BMP2K: variants seen among roughly 807,000 people sequenced by gnomAD.
BMP2K encodes the protein BMP-2-inducible protein kinase.
A neutral mutation model predicts 116.0 loss-of-function variants in BMP2K; 74 were observed. The ratio of observed to expected loss-of-function variants is 0.64; its 90% CI spans 0.53 to 0.77. BMP2K has a LOEUF of 0.77. BMP2K is among the 30% of genes least tolerant of loss of function. BMP2K has a pLI of 0.00. For synonymous variants in BMP2K, 486 were observed against 502.5 expected, an observed-to-expected ratio of 0.97 and a Z score of 0.44; for missense variants, 1,365 against 1,403.6, an observed-to-expected ratio of 0.97 and a Z score of 0.44.
intron 1 of BMP2K, among the ~76,000 whole-genome samples, chr4:78,802,165 G>T (rs924758901): frequency 2.0e-5 from 3 of 152,206 alleles, no homozygotes; most frequent in East Asian, 1.9e-4. Context: ...TCGTTTTGCT[G>T]TTGAGAAGTT....
At chr4:78,833,396 C>T (rs961993312) in intron 2 of BMP2K, among the ~76,000 whole-genome samples, 186 bp from the exon 3 acceptor site, 11 of 152,034 alleles carry the variant, frequency 7.2e-5, no homozygotes, top group African/African-American at 2.7e-4. Context: ...AAATTACAGT[C>T]GCATGCAGGT....
chr4:78,849,484 C>T (rs563632370), intron 6 of BMP2K, among the ~76,000 whole-genome samples: 61 of 151,560 alleles, frequency 4.0e-4, no homozygotes, highest in African/African-American at 1.3e-3. Context: ...AAGACAAATT[C>T]CTAAAGTTTG....
chr4:78,829,787 T>TTTCTTTTCTTTTCTCTTTTCTCTTCTC lies in BMP2K; in HGVS notation c.297+3636_297+3637insTTTCTTTTCTCTTTTCTCTTCTCTTCT, dbSNP rs71216237. ...TTTCTTTTCTTTTCTTTTCTTTTCT[T>TTTCTTTTCTTTTCTCTTTTCTCTTCTC]TTCTCTTCTCTTCTCTTCTCTTCTC... On this transcript the variant is annotated intron_variant, in intron 2 of 15. Coordinates refer to ENST00000502613, the MANE Select transcript of BMP2K (RefSeq NM_198892.2). 9.5e-4 allele frequency among the ~76,000 whole-genome samples: 82 copies of TTTCTTTTCTTTTCTCTTTTCTCTTCTC among 86,634 alleles called. 1 individual carries two copies. The highest frequency in any genetic ancestry group is 2.9e-3 in the African/African-American group (68 of 23,820). 56.8% of individuals were successfully genotyped at this position (86,634 alleles called of 152,430 possible).
chr4:78,780,488 G>A (rs553489037), intron 1 of BMP2K, among the ~76,000 whole-genome samples: 1 of 152,142 alleles, frequency 6.6e-6, no homozygotes, highest in South Asian at 2.1e-4. Context: ...TTTCAGGAAG[G>A]TTGTACTATA....
chr4:78,855,637 A>G (rs535022984), intron 7 of BMP2K, among the ~76,000 whole-genome samples: 1 of 152,260 alleles, frequency 6.6e-6, no homozygotes, highest in South Asian at 2.1e-4. Context: ...GTGCTTTTCT[A>G]TGCAATATTG....
At chr4:78,879,793 T>G (rs1732811827) in intron 14 of BMP2K, 1 of 152,238 alleles carries the variant, frequency 6.6e-6, no homozygotes. Flanking sequence ...GTTTAATAGA[T>G]GAAATGCTTT....
chr4:78,908,802 T>C lies in BMP2K; in HGVS notation c.2063-1808T>C, dbSNP rs181428363. Among the ~76,000 whole-genome samples, 9 of 152,316 alleles carry C rather than the reference T, an allele frequency of 5.9e-5. No homozygotes were observed. The East Asian group carries it at 1.7e-3, about 29-fold the overall frequency. ...GGTACATAGTAGGTATATACATTTA[T>C]GGGGTACATGAGATATGTTGATACA... is the stretch of plus-strand genomic sequence containing the variant. On this transcript the variant is annotated intron_variant, in intron 15 of 15. Transcript: ENST00000502613.
intron 15 of BMP2K, among the ~76,000 whole-genome samples, chr4:78,889,114 G>A (rs1480702110): frequency 6.6e-6 from 1 of 151,658 alleles, no homozygotes; most frequent in Non-Finnish European, 1.5e-5. Context: ...CCAGCTACTC[G>A]GGAGGCTAAG....
intron 13 of BMP2K, 119 bp from the exon 14 acceptor site, chr4:78,878,615 C>A: frequency 1.2e-6 from 1 of 840,444 alleles, no homozygotes; most frequent in Non-Finnish European, 1.8e-6. Context: ...TCATCTCTGT[C>A]ATAAGGAAAT....
At chr4:78,874,757 T>C (rs529044567) in intron 13 of BMP2K, among the ~76,000 whole-genome samples, 1 of 152,314 alleles carries the variant, frequency 6.6e-6, no homozygotes, top group Non-Finnish European at 1.5e-5. Context: ...TATCCAAGGA[T>C]TTGAGGCATA....
In BMP2K at chr4:78,880,260, T is replaced by C. The variant is rs555703237; in HGVS notation, c.1951+1369T>C. On this transcript the variant is annotated intron_variant, in intron 14 of 15. Transcript: ENST00000502613. The stretch of plus-strand genomic sequence containing the variant: ...GCGAATTTTGTATTTTTAGTAGAGA[T>C]GGGATTTCTCCATGTTGGTCAGGCT... 1.4e-3 allele frequency among the ~76,000 whole-genome samples: 220 copies of C among 152,218 alleles called. 2 individuals are homozygous for C. The highest frequency in any genetic ancestry group is 0.01 in the Middle Eastern group (3 of 294).
intron 13 of BMP2K, among the ~76,000 whole-genome samples, chr4:78,876,666 A>G (rs1560541582): frequency 1.3e-5 from 2 of 152,220 alleles, no homozygotes; most frequent in South Asian, 4.1e-4. Flanking sequence ...TTGAGATACT[A>G]CTTTGAACAT....
rs74286896 is a variant in BMP2K at position 78,909,372 on chromosome 4, T to A, written c.2063-1238T>A. Among the ~76,000 whole-genome samples the A allele has an allele frequency of 1.8e-3, 266 of 151,752 alleles. 3 individuals are homozygous for A. The highest frequency in any genetic ancestry group is 6.2e-3 in the African/African-American group (255 of 41,362). On this transcript the variant is annotated intron_variant, in intron 15 of 15. Transcript: ENST00000502613. ...TTTCTATAGAGCAGTCATTTTTTTT[T>A]ATGTAAACCTAATCATGACACCTAT...
At chr4:78,887,415 C>G in intron 15 of BMP2K, 131 bp downstream of exon 15, 1 of 686,854 alleles carries the variant, frequency 1.5e-6, no homozygotes, top group Non-Finnish European at 2.5e-6. Flanking sequence ...TAACCTTTAG[C>G]CATCCTACTC....
intron 7 of BMP2K, among the ~76,000 whole-genome samples, chr4:78,858,761 A>T (rs1731624186): frequency 6.9e-6 from 1 of 144,348 alleles, no homozygotes; most frequent in Admixed American, 6.9e-5. Context: ...TTTAAAAAGG[A>T]TTTAAACATT....
chr4:78,874,849 C>T (rs1732556426), intron 13 of BMP2K, among the ~76,000 whole-genome samples: 1 of 152,146 alleles, frequency 6.6e-6, no homozygotes, highest in Non-Finnish European at 1.5e-5. Context: ...TGTAGTGATG[C>T]TATTCGACAA....
intron 15 of BMP2K, among the ~76,000 whole-genome samples, chr4:78,892,082 T>C (rs1467719820): frequency 6.6e-6 from 1 of 152,236 alleles, no homozygotes; most frequent in Non-Finnish European, 1.5e-5. Flanking sequence ...TGTCAGGCTT[T>C]TGTTTCAGAG....
intron 4 of BMP2K, among the ~76,000 whole-genome samples, chr4:78,843,800 AT>A (rs535574096): frequency 1.3e-5 from 2 of 151,860 alleles, no homozygotes; most frequent in East Asian, 1.9e-4. Context: ...TAGTTCATTA[AT>A]TTTTTTGCAT....
chr4:78,809,315 C>T (rs1455421412), intron 1 of BMP2K, among the ~76,000 whole-genome samples: 9 of 151,346 alleles, frequency 5.9e-5, no homozygotes, highest in Admixed American at 2.0e-4. Context: ...TGTTACCATC[C>T]TTTTAGTTTT....
Sources: allele counts gnomAD v4.1 joint callset (sites outside exome capture counted in the v4.1 genomes callset), GRCh38; gene constraint gnomAD v4.1.1; transcripts MANE v1.5; gene names NCBI Gene and HGNC (gene_info 2026-07-23, HGNC 2026-07-21).